RUFY4: variants seen among roughly 807,000 people sequenced by gnomAD.
RUFY4 encodes RUN and FYVE domain-containing protein 4.
Under a neutral mutation model 69.0 loss-of-function variants are expected in RUFY4, and 73 were observed. The ratio of observed to expected loss-of-function variants is 1.06; its 90% CI spans 0.88 to 1.29. RUFY4 has a LOEUF of 1.29. RUFY4 is among the 50% of genes most tolerant of loss of function. The pLI is 0.00. For missense variants in RUFY4, 770 were observed against 705.6 expected, an observed-to-expected ratio of 1.09 and a Z score of -1.03; for synonymous variants, 287 against 271.8, an observed-to-expected ratio of 1.06 and a Z score of -0.55.
In RUFY4 at chr2:218,089,809, C is replaced by A. The variant is rs116138170; in HGVS notation, c.1614-143C>A. On this transcript the variant is annotated intron_variant, in intron 10 of 10. Transcript: ENST00000344321. The stretch of plus-strand genomic sequence containing the variant: ...TCAGGAGAGGGGAGACCTCCTGAGA[C>A]AAACCAAGGGCATTCCACTGGGAGA... The A allele has an allele frequency of 3.0e-4, 223 of 742,920 alleles. 1 individual carries two copies. The African/African-American group carries it at 3.3e-3, about 11-fold the overall frequency. 46.0% of individuals were successfully genotyped at this position (742,920 alleles called of 1,614,324 possible).
chr2:218,063,882 A>G (rs1429241939), intron 3 of RUFY4, among the ~76,000 whole-genome samples: 1 of 152,112 alleles, frequency 6.6e-6, no homozygotes, highest in Non-Finnish European at 1.5e-5. Context: ...CTGAGCTTCC[A>G]CCTCTGAGTC....
rs1223635884 is a variant in RUFY4 at position 218,062,360 on chromosome 2, T to C, written c.-1071+3679T>C. 2.8e-5 allele frequency among the ~76,000 whole-genome samples: 4 copies of C among 141,712 alleles called. No individual in the cohort carries two copies. In the South Asian group the frequency reaches 8.9e-4, roughly 32 times the overall value. 93.0% of individuals were successfully genotyped at this position (141,712 alleles called of 152,430 possible). A position where few individuals can be genotyped will look rare whatever the true frequency, so the allele number is the denominator to read the frequency against. ...GGCGGAGCTTGTAGTGAGCCGAGATTGCACCACTGCACTCCAGCTTGGGAG... is the reference window on the plus strand; with the variant it reads ...GGCGGAGCTTGTAGTGAGCCGAGATCGCACCACTGCACTCCAGCTTGGGAG... On this transcript the variant is annotated intron_variant and NMD_transcript_variant, in intron 3 of 13. Transcript: ENST00000457754.
chr2:218,054,147 G>A (rs1465885831), intron 2 of RUFY4, among the ~76,000 whole-genome samples: 2 of 152,150 alleles, frequency 1.3e-5, no homozygotes, highest in African/African-American at 2.4e-5. Context: ...TTTCAAGCAT[G>A]GCTATTCTAA....
chr2:218,037,369 T>C (rs1958995792), intron 2 of RUFY4, among the ~76,000 whole-genome samples: 1 of 152,070 alleles, frequency 6.6e-6, no homozygotes, highest in Non-Finnish European at 1.5e-5. Flanking sequence ...GGCTACAATC[T>C]AATAACAGGC....
At chr2:218,068,401 A>C (rs1199255425), upstream of RUFY4, among the ~76,000 whole-genome samples, 2 of 151,986 alleles carry the variant, frequency 1.3e-5, no homozygotes, top group African/African-American at 4.8e-5. Context: ...GGAATGAGGG[A>C]AAGACAGGGA....
At chr2:218,054,969 A>C (rs1455082811) in intron 2 of RUFY4, among the ~76,000 whole-genome samples, 1 of 152,248 alleles carries the variant, frequency 6.6e-6, no homozygotes, top group African/African-American at 2.4e-5. Flanking sequence ...GGAAGATGCA[A>C]TTTAAAATGT....
At chr2:218,045,874 G>A (rs907304035) in intron 2 of RUFY4, among the ~76,000 whole-genome samples, 2 of 150,966 alleles carry the variant, frequency 1.3e-5, no homozygotes, top group South Asian at 2.1e-4. Flanking sequence ...GCGCAATCTC[G>A]GCTCACTGCA....
intron 2 of RUFY4, among the ~76,000 whole-genome samples, chr2:218,054,888 T>C (rs544203592): frequency 1.3e-5 from 2 of 152,260 alleles, no homozygotes; most frequent in Non-Finnish European, 2.9e-5. Flanking sequence ...TTGGAAATTA[T>C]CTGTGAGTAC....
chr2:218,077,570 T>C (rs1205890281), intron 8 of RUFY4, among the ~76,000 whole-genome samples: 1 of 152,190 alleles, frequency 6.6e-6, no homozygotes, highest in Non-Finnish European at 1.5e-5. Flanking sequence ...AGCCTCTCTG[T>C]GTCTCTCTCC....
chr2:218,089,499 C>T, intron 10 of RUFY4, 137 bp downstream of exon 12: 1 of 681,282 alleles, frequency 1.5e-6, no homozygotes, highest in Non-Finnish European at 2.6e-6. Context: ...ACTACTCATT[C>T]TACCACATCT....
rs141850468 is a variant in RUFY4, at chr2:218,083,476, G to A, written c.1502+220G>A. 1.1e-4 allele frequency among the ~76,000 whole-genome samples: 16 copies of A among 152,142 alleles called. No individual in the cohort carries two copies. In the South Asian group the frequency reaches 1.5e-3, roughly 14 times the overall value. On this transcript the variant is annotated intron_variant, in intron 9 of 10. Transcript: ENST00000344321. ...AGAAATAAGGCAGACTTGGCCAGGC[G>A]CAGTGGTTCACACCTGTAATCTCAG...
At chr2:218,087,776 C>T (rs1490344956) in intron 9 of RUFY4, among the ~76,000 whole-genome samples, 1 of 152,014 alleles carries the variant, frequency 6.6e-6, no homozygotes, top group Admixed American at 6.5e-5. Context: ...TTGCAGTTAG[C>T]CAAGATCATG....
At chr2:218,063,617 G>C (rs1416455137) in intron 3 of RUFY4, among the ~76,000 whole-genome samples, 5 of 152,184 alleles carry the variant, frequency 3.3e-5, no homozygotes. Context: ...CAGCAGGCAA[G>C]GGGCAGAGTG....
At chr2:218,052,832 T>C (rs898998109) in intron 2 of RUFY4, among the ~76,000 whole-genome samples, 41 of 126,866 alleles carry the variant, frequency 3.2e-4, no homozygotes, top group Non-Finnish European at 2.1e-4. Flanking sequence ...CTAAGGCAGG[T>C]CTAAGGTTTT....
At chr2:218,042,970 C>G (rs1251185675) in intron 2 of RUFY4, among the ~76,000 whole-genome samples, 1 of 152,136 alleles carries the variant, frequency 6.6e-6, no homozygotes, top group African/African-American at 2.4e-5. Flanking sequence ...TGTTGCTTTT[C>G]TGGCTGGAAA....
upstream of RUFY4, chr2:218,070,219 G>T (rs1029564121): frequency 1.1e-5 from 3 of 282,426 alleles, no homozygotes; most frequent in African/African-American, 6.5e-5. Context: ...AGACACCTGA[G>T]TTCAAGTCCT....
At chr2:218,078,640 C>T (rs1479248339) in intron 8 of RUFY4, among the ~76,000 whole-genome samples, 1 of 152,124 alleles carries the variant, frequency 6.6e-6, no homozygotes, top group Non-Finnish European at 1.5e-5. Flanking sequence ...TGTTTACATG[C>T]TTTTTCAAAT....
chr2:218,090,070 G>GACCAC (rs774247520), exon 11 of RUFY4: 2 of 1,497,412 alleles, frequency 1.3e-6, no homozygotes, highest in African/African-American at 2.8e-5. Flanking sequence ...ACCAAGACCA[G>GACCAC]CCCATGACTG....
intron 10 of RUFY4, 150 bp from the exon 13 acceptor site, chr2:218,089,802 C>A: frequency 1.4e-6 from 1 of 729,408 alleles, no homozygotes. Flanking sequence ...GGGGAGACCT[C>A]CTGAGACAAA....
Sources: allele counts gnomAD v4.1 joint callset (sites outside exome capture counted in the v4.1 genomes callset), GRCh38; gene constraint gnomAD v4.1.1; transcripts MANE v1.5; gene names NCBI Gene and HGNC (gene_info 2026-07-23, HGNC 2026-07-21).